CRB1: variants seen among roughly 807,000 people sequenced by gnomAD.
The protein encoded by CRB1 is crumbs cell polarity complex component 1.
Under a neutral mutation model 120.0 loss-of-function variants are expected in CRB1, and 83 were observed. That is an observed-to-expected ratio of 0.69 (90% CI 0.58 to 0.83). CRB1 has a LOEUF of 0.83. Among genes scored for constraint, CRB1 ranks in the 40% least tolerant of loss-of-function variants. CRB1 has a pLI of 0.00. For missense variants in CRB1, 1,699 were observed against 1,687.6 expected, an observed-to-expected ratio of 1.01 and a Z score of -0.12; for synonymous variants, 625 against 612.5, an observed-to-expected ratio of 1.02 and a Z score of -0.30.
chr1:197,251,036 C>T, the CRB1 span, among the ~76,000 whole-genome samples: 1 of 151,844 alleles, frequency 6.6e-6, no homozygotes, highest in Non-Finnish European at 1.5e-5. Context: ...TTTTATTGAA[C>T]AACAGAAACA....
intron 5 of CRB1, among the ~76,000 whole-genome samples, chr1:197,359,671 C>A (rs1385323727): frequency 6.6e-6 from 1 of 152,130 alleles, no homozygotes; most frequent in African/African-American, 2.4e-5. Context: ...AAGAAACTGT[C>A]AAACTGTTTT....
chr1:197,310,574 A>C (rs1175772644), intron 1 of CRB1, among the ~76,000 whole-genome samples: 1 of 152,192 alleles, frequency 6.6e-6, no homozygotes, highest in Non-Finnish European at 1.5e-5. Context: ...TTACCAGATT[A>C]AGAGAAGCTT....
chr1:197,446,584 C>T (rs948942765), intron 11 of CRB1, among the ~76,000 whole-genome samples: 1 of 152,170 alleles, frequency 6.6e-6, no homozygotes, highest in Non-Finnish European at 1.5e-5. Flanking sequence ...CATGATTATA[C>T]TTGCACTTTA....
At chr1:197,441,916 T>G (rs534664519) in intron 10 of CRB1, 1 of 507,676 alleles carries the variant, frequency 2.0e-6, no homozygotes, top group African/African-American at 1.9e-5. Context: ...TATTTGCATC[T>G]ATTTTCTCAT....
At chr1:197,443,587 G>A (rs539360087) in intron 11 of CRB1, 3 of 151,630 alleles carry the variant, frequency 2.0e-5, no homozygotes, top group Non-Finnish European at 2.9e-5. Context: ...TTTCTTAGAA[G>A]CATGGTTTTC....
At chr1:197,277,229 A>G (rs1655259526) in intron 1 of CRB1, among the ~76,000 whole-genome samples, 1 of 152,018 alleles carries the variant, frequency 6.6e-6, no homozygotes, top group Non-Finnish European at 1.5e-5. Context: ...CCAAAGCAGG[A>G]ATGGCTGATA....
rs769132712 is a variant in CRB1, at chr1:197,426,323, A to G, written c.2129-1131A>G. Among the ~76,000 whole-genome samples, 142 of 151,964 alleles carry G rather than the reference A, an allele frequency of 9.3e-4. 1 individual carries two copies. Among genetic ancestry groups the G allele is most frequent in the Non-Finnish European group, 2.2e-4 (15 of 68,010 alleles). The stretch of plus-strand genomic sequence containing the variant: ...AACTTTGGGCTTTTGCTCAGATATC[A>G]CTTTCTCAGAGTTCCTCCCTGATTG... On this transcript the variant is annotated intron_variant, in intron 6 of 11. Transcript: ENST00000367400.
the CRB1 span, among the ~76,000 whole-genome samples, chr1:197,245,232 C>A: frequency 6.6e-6 from 1 of 152,050 alleles, no homozygotes; most frequent in Non-Finnish European, 1.5e-5. Context: ...CCACAACAGG[C>A]CCCGGTGTGT....
chr1:197,447,578 A>T (rs1000951870), intron 11 of CRB1: 1 of 152,230 alleles, frequency 6.6e-6, no homozygotes, highest in South Asian at 2.1e-4. Flanking sequence ...GCAGTGGCTC[A>T]CATCTGTAAT....
chr1:197,434,974 G>GAC lies in CRB1; in HGVS notation c.3112_3113dup (p.Leu1039ProfsTer4). 6.2e-7 allele frequency: 1 copy of GAC among 1,613,948 alleles called. No individual in the cohort carries two copies. Among genetic ancestry groups the GAC allele is most frequent in the Non-Finnish European group, 8.5e-7 (1 of 1,179,884 alleles). On this transcript the variant is annotated frameshift_variant, in exon 9 of 12. Transcript: ENST00000367400. LOFTEE classifies it high-confidence loss of function. ...TGAATGATGGCACATGGCACGAAGT[G>GAC]ACCCTTTCCATGACAGACCCACTGT...
chr1:197,215,496 C>G, the CRB1 span, among the ~76,000 whole-genome samples: 3 of 152,140 alleles, frequency 2.0e-5, no homozygotes, highest in South Asian at 2.1e-4. Flanking sequence ...AGGCTGGTCT[C>G]GAACTCCCAA....
intron 5 of CRB1, among the ~76,000 whole-genome samples, chr1:197,405,684 CTG>C (rs1663333780): frequency 1.3e-5 from 2 of 151,484 alleles, no homozygotes; most frequent in Non-Finnish European, 2.9e-5. Context: ...CGCCTCTGCC[CTG>C]CCGCCCCGTC....
the CRB1 span, among the ~76,000 whole-genome samples, chr1:197,241,739 G>T: frequency 1.3e-5 from 2 of 151,054 alleles, no homozygotes; most frequent in Non-Finnish European, 2.9e-5. Context: ...CAAAGTCAAC[G>T]GTAGCTTGAT....
chr1:197,208,284 G>T, the CRB1 span, among the ~76,000 whole-genome samples: 11 of 152,146 alleles, frequency 7.2e-5, no homozygotes, highest in African/African-American at 2.7e-4. Flanking sequence ...TTTTTGTGTT[G>T]TTAAAGAACC....
chr1:197,310,715 T>C (rs1657465311), intron 1 of CRB1, among the ~76,000 whole-genome samples: 2 of 152,204 alleles, frequency 1.3e-5, no homozygotes, highest in Non-Finnish European at 1.5e-5. Flanking sequence ...GCATATTCTA[T>C]CTGGTTCACC....
intron 5 of CRB1, among the ~76,000 whole-genome samples, chr1:197,415,960 A>G (rs1364126363): frequency 6.6e-6 from 1 of 151,660 alleles, no homozygotes; most frequent in Admixed American, 6.6e-5. Context: ...CTCTTTATCA[A>G]CTTGACCTAT....
chr1:197,220,261 G>C, the CRB1 span, among the ~76,000 whole-genome samples: 1,047 of 152,226 alleles, frequency 6.9e-3, 10 homozygotes, highest in Admixed American at 0.014. Context: ...AGGAAATGAA[G>C]TATTTTTAAA....
At chr1:197,463,503 A>AAGGGTAATAC (rs1338352667) in intron 11 of CRB1, among the ~76,000 whole-genome samples, 1 of 152,164 alleles carries the variant, frequency 6.6e-6, no homozygotes, top group Non-Finnish European at 1.5e-5. Context: ...TATGCCAACT[A>AAGGGTAATAC]AGGGTAATAC....
chr1:197,444,228 A>G (rs1665594030), intron 11 of CRB1: 1 of 152,254 alleles, frequency 6.6e-6, no homozygotes, highest in Non-Finnish European at 1.5e-5. Flanking sequence ...AGTGTATTCT[A>G]TCTTGCAATA....
Sources: gnomAD v4.1 joint callset for allele counts (sites outside exome capture counted in the v4.1 genomes callset) on GRCh38, gnomAD v4.1.1 for gene constraint, MANE v1.5 for transcripts, NCBI Gene and HGNC (gene_info 2026-07-23, HGNC 2026-07-21) for gene names.